Variants in KCNB2 observed in about 807,000 individuals in gnomAD.
KCNB2 encodes delayed rectifier potassium channel protein.
KCNB2 carries 15 observed loss-of-function variants against 61.5 expected under a neutral mutation model. The ratio of observed to expected loss-of-function variants is 0.24; its 90% CI spans 0.16 to 0.38. KCNB2 has a LOEUF of 0.38. KCNB2 is among the 10% of genes least tolerant of loss of function. The pLI is 1.00. For missense variants in KCNB2, 828 were observed against 1,125.2 expected (o/e 0.74, Z 3.78); for synonymous variants, 457 against 446.0 (o/e 1.02, Z -0.31).
intron 2 of KCNB2, among the ~76,000 whole-genome samples, chr8:72,573,883 TG>T (rs1216491528): frequency 3.9e-5 from 6 of 152,058 alleles, no homozygotes; most frequent in African/African-American, 1.5e-4. Context: ...GTTTCTGTAT[TG>T]GTGGTTTACC....
At chr8:72,775,147 G>A (rs1563381431) in intron 2 of KCNB2, among the ~76,000 whole-genome samples, 2 of 152,108 alleles carry the variant, frequency 1.3e-5, no homozygotes, top group African/African-American at 2.4e-5. Flanking sequence ...AGGACAGTGA[G>A]ACCAGCTCTG....
intron 2 of KCNB2, among the ~76,000 whole-genome samples, chr8:72,845,955 G>T (rs1208583828): frequency 1.3e-5 from 2 of 149,558 alleles, no homozygotes; most frequent in African/African-American, 4.9e-5. Flanking sequence ...GAACAGTTCT[G>T]TCTTTCTGGC....
chr8:72,688,247 C>T (rs763178825), intron 2 of KCNB2, among the ~76,000 whole-genome samples: 2 of 152,252 alleles, frequency 1.3e-5, no homozygotes, highest in African/African-American at 2.4e-5. Context: ...TTAAAAAATC[C>T]GAGAGCCCTT....
intron 2 of KCNB2, among the ~76,000 whole-genome samples, chr8:72,717,415 C>A (rs887712558): frequency 8.6e-5 from 13 of 151,672 alleles, no homozygotes; most frequent in South Asian, 2.1e-4. Flanking sequence ...TCAAACTATA[C>A]TACAAGGCTA....
rs148582719 is a variant in KCNB2, at chr8:72,698,324, A to C, written c.579+130011A>C. ...TACATGTAACCAAGGAAGATCTCTA[A>C]AAGGAGAACTACAAAACACTGCTGA... On this transcript the variant is annotated intron_variant, in intron 2 of 2. Coordinates refer to ENST00000523207, the MANE Select transcript of KCNB2 (RefSeq NM_004770.3). 2.1e-3 allele frequency among the ~76,000 whole-genome samples: 320 copies of C among 152,110 alleles called. 3 individuals carry two copies. Among genetic ancestry groups the C allele is most frequent in the African/African-American group, 7.2e-3 (301 of 41,518 alleles).
chr8:72,746,697 G>A (rs1000708808), intron 2 of KCNB2, among the ~76,000 whole-genome samples: 7 of 152,102 alleles, frequency 4.6e-5, no homozygotes, highest in Admixed American at 1.3e-4. Context: ...TCTTTGAACG[G>A]CTGCAATATA....
At chr8:72,895,792 G>A (rs749476868) in intron 2 of KCNB2, among the ~76,000 whole-genome samples, 2 of 152,068 alleles carry the variant, frequency 1.3e-5, no homozygotes, top group Non-Finnish European at 2.9e-5. Flanking sequence ...AACTCTTAAC[G>A]CTTTTAAGAC....
At chr8:72,792,765 A>G (rs1028634347) in intron 2 of KCNB2, among the ~76,000 whole-genome samples, 3 of 152,212 alleles carry the variant, frequency 2.0e-5, no homozygotes, top group Non-Finnish European at 4.4e-5. Context: ...AAGCTAAATC[A>G]TGTGTTTATA....
chr8:72,551,728 G>A lies in KCNB2; in HGVS notation c.-94+13843G>A, dbSNP rs188985142. ...CCCAAATCTAACTTTAAAATTTCAG[G>A]CATTTACTCATTTAATATCAGCTTT... is the stretch of plus-strand genomic sequence containing the variant. On this transcript the variant is annotated intron_variant, in intron 1 of 2. Coordinates refer to ENST00000523207, the MANE Select transcript of KCNB2 (RefSeq NM_004770.3). Among the ~76,000 whole-genome samples the A allele has an allele frequency of 4.2e-3, 642 of 152,174 alleles. 3 individuals carry two copies. Among genetic ancestry groups the A allele is most frequent in the Non-Finnish European group, 5.7e-3 (385 of 68,000 alleles).
chr8:72,894,251 G>T (rs1377538987), intron 2 of KCNB2, among the ~76,000 whole-genome samples: 1 of 152,078 alleles, frequency 6.6e-6, no homozygotes, highest in East Asian at 1.9e-4. Flanking sequence ...TAGTGCAAAG[G>T]CCCTAAGGGT....
At chr8:72,918,838 G>A (rs1387608902) in intron 2 of KCNB2, among the ~76,000 whole-genome samples, 2 of 152,160 alleles carry the variant, frequency 1.3e-5, no homozygotes, top group African/African-American at 2.4e-5. Flanking sequence ...AATGTGTTTA[G>A]TCATGCCCTC....
intron 2 of KCNB2, among the ~76,000 whole-genome samples, chr8:72,591,691 A>G (rs1807102229): frequency 6.6e-6 from 1 of 152,172 alleles, no homozygotes; most frequent in Admixed American, 6.5e-5. Context: ...ATTCCTATAC[A>G]TAATAGAGAA....
intron 2 of KCNB2, among the ~76,000 whole-genome samples, chr8:72,728,832 A>G (rs1319650141): frequency 6.6e-6 from 1 of 152,198 alleles, no homozygotes; most frequent in Non-Finnish European, 1.5e-5. Context: ...GCAATAAACC[A>G]TTTGTTTATA....
intron 2 of KCNB2, among the ~76,000 whole-genome samples, chr8:72,701,465 G>A (rs992820069): frequency 6.6e-6 from 1 of 152,086 alleles, no homozygotes; most frequent in African/African-American, 2.4e-5. Flanking sequence ...TCATTGCCCT[G>A]CTTTCCACAA....
intron 2 of KCNB2, among the ~76,000 whole-genome samples, chr8:72,926,499 A>C (rs1806652036): frequency 6.6e-6 from 1 of 152,160 alleles, no homozygotes; most frequent in African/African-American, 2.4e-5. Context: ...TTTGTTCCAT[A>C]GGTAAACGTG....
intron 2 of KCNB2, among the ~76,000 whole-genome samples, chr8:72,851,111 A>G (rs1228815512): frequency 1.5e-4 from 1 of 6,658 alleles, no homozygotes; most frequent in Non-Finnish European, 1.4e-3. Context: ...CTAATGCAGC[A>G]AAGTCTATAA....
chr8:72,766,118 T>C (rs1388412690), intron 2 of KCNB2, among the ~76,000 whole-genome samples: 1 of 152,154 alleles, frequency 6.6e-6, no homozygotes, highest in Non-Finnish European at 1.5e-5. Context: ...TGAACAAGCT[T>C]CCTAGGGACA....
chr8:72,609,287 A>G (rs1805501303), intron 2 of KCNB2, among the ~76,000 whole-genome samples: 1 of 152,228 alleles, frequency 6.6e-6, no homozygotes, highest in African/African-American at 2.4e-5. Flanking sequence ...ATATAGCAGT[A>G]GTTGATGATT....
intron 2 of KCNB2, chr8:72,661,254 G>T (rs1404055937): frequency 6.6e-6 from 1 of 152,168 alleles, no homozygotes; most frequent in African/African-American, 2.4e-5. Flanking sequence ...GACCTCAGAT[G>T]ATCTACCTGC....
Sources: allele counts gnomAD v4.1 joint callset (sites outside exome capture counted in the v4.1 genomes callset), GRCh38; gene constraint gnomAD v4.1.1; transcripts MANE v1.5; gene names NCBI Gene and HGNC (gene_info 2026-07-23, HGNC 2026-07-21).